Variants in KIF1A observed in about 807,000 individuals in gnomAD.
KIF1A encodes the protein kinesin family member 1A, also known as kinesin-like protein KIF1A.
A neutral mutation model predicts 227.3 loss-of-function variants in KIF1A; 46 were observed. That is an observed-to-expected ratio of 0.20 (90% CI 0.16 to 0.26). KIF1A has a LOEUF of 0.26. KIF1A is among the 10% of genes least tolerant of loss of function. The pLI, the probability that KIF1A is intolerant of heterozygous loss-of-function variation, is 1.00. For synonymous variants in KIF1A, 1,022 were observed against 1,012.8 expected, an observed-to-expected ratio of 1.01 and a Z score of -0.17; for missense variants, 1,683 against 2,485.9, an observed-to-expected ratio of 0.68 and a Z score of 6.87.
intron 1 of KIF1A, among the ~76,000 whole-genome samples, chr2:240,804,961 A>C (rs1402044296): frequency 6.6e-6 from 1 of 150,542 alleles, no homozygotes; most frequent in Non-Finnish European, 1.5e-5. Context: ...CACTGGGAGA[A>C]GCAATTCACC....
At chr2:240,767,952 C>T (rs1247314805) in intron 17 of KIF1A, among the ~76,000 whole-genome samples, 1 of 152,194 alleles carries the variant, frequency 6.6e-6, no homozygotes, top group Non-Finnish European at 1.5e-5. Context: ...GAGGTGGAGA[C>T]CTCGTCACTG....
chr2:240,802,560 C>T (rs7599943), intron 1 of KIF1A, among the ~76,000 whole-genome samples: 71,797 of 152,010 alleles, frequency 0.47, 18,986 homozygotes, highest in African/African-American at 0.73. Context: ...CACAGAGAGG[C>T]TGAAAACAAA....
chr2:240,738,654 C>T (rs1034255516), intron 37 of KIF1A, among the ~76,000 whole-genome samples: 1 of 152,208 alleles, frequency 6.6e-6, no homozygotes, highest in African/African-American at 2.4e-5. Flanking sequence ...GGGGTTCATA[C>T]CATATCTCCC....
At chr2:240,782,282 G>A (rs1451585878) in intron 10 of KIF1A, 3 of 869,274 alleles carry the variant, frequency 3.5e-6, no homozygotes, top group Non-Finnish European at 4.1e-6. Context: ...GGGCTCCTCC[G>A]CGCCCCTTTC....
At position 240,739,908 on chromosome 2, in the gene KIF1A, A is replaced by C; in HGVS notation, c.3901+150T>G. ...CAAGGCTCTCCTTTTCAGGTGAGGA[A>C]GTGAGTCACAGAGAGATTATGTGAC... On this transcript the variant is annotated intron_variant, in intron 37 of 48. Coordinates refer to ENST00000498729, the MANE Select transcript of KIF1A (RefSeq NM_001244008.2). The surrounding 1 kb of genome is among the most constrained non-coding windows in gnomAD (Gnocchi z 5.6). The C allele has an allele frequency of 3.2e-6, 2 of 623,192 alleles. No individual in the cohort carries two copies. The highest frequency in any genetic ancestry group is 5.8e-6 in the Non-Finnish European group (2 of 346,758). The allele number at this position is 623,192 out of a possible 1,614,324, so 38.6% of individuals were successfully genotyped here.
At chr2:240,797,547 G>A (rs968259806) in intron 2 of KIF1A, 100 bp downstream of exon 2, 22 of 803,378 alleles carry the variant, frequency 2.7e-5, no homozygotes, top group South Asian at 7.6e-5. Context: ...GTGCTCTTGC[G>A]GCCAGGGCCA....
intron 20 of KIF1A, among the ~76,000 whole-genome samples, chr2:240,764,952 G>A (rs1023976701): frequency 6.6e-6 from 1 of 152,130 alleles, no homozygotes; most frequent in Non-Finnish European, 1.5e-5. Flanking sequence ...TTCCCAGACT[G>A]CCACCTGCCC....
chr2:240,782,059 G>T, intron 10 of KIF1A: 1 of 985,380 alleles, frequency 1.0e-6, no homozygotes, highest in East Asian at 1.1e-4. Flanking sequence ...GTTCCTGCCG[G>T]TCCCTCGAAC....
At chr2:240,761,168 G>A (rs969952789) in intron 24 of KIF1A, 61 bp downstream of exon 24, 37 of 1,537,438 alleles carry the variant, frequency 2.4e-5, no homozygotes, top group African/African-American at 8.2e-5. Context: ...AGCTGTCCCC[G>A]TCATGAGTGA....
At chr2:240,781,758 T>C in intron 10 of KIF1A, 4 of 985,104 alleles carry the variant, frequency 4.1e-6, no homozygotes, top group Non-Finnish European at 4.8e-6. Flanking sequence ...CCCCACACAG[T>C]TCCCCACAGG....
At chr2:240,787,393 G>T in intron 4 of KIF1A, 77 bp from the exon 5 acceptor site, 2 of 1,306,096 alleles carry the variant, frequency 1.5e-6, no homozygotes, top group Non-Finnish European at 1.1e-6. Context: ...GATACTGTGG[G>T]CAGCCTGTGC....
chr2:240,723,662 G>A, intron 41 of KIF1A, 104 bp from the exon 42 acceptor site: 1 of 1,317,064 alleles, frequency 7.6e-7, no homozygotes, highest in South Asian at 1.5e-5. Context: ...CCTCTGGAGT[G>A]GAGATGGGCT....
intron 7 of KIF1A, among the ~76,000 whole-genome samples, chr2:240,784,239 C>G (rs2054427455): frequency 6.6e-6 from 1 of 152,202 alleles, no homozygotes; most frequent in South Asian, 2.1e-4. Context: ...CATGGCTGCA[C>G]CTAGCGAGGT....
chr2:240,719,334 G>A (rs1162489792), intron 46 of KIF1A, 136 bp from the exon 47 acceptor site: 47 of 974,126 alleles, frequency 4.8e-5, no homozygotes, highest in Non-Finnish European at 6.5e-5. Flanking sequence ...TCGAGGCATC[G>A]AAGGGCACCT....
Position 240,736,397 on chromosome 2 carries a change from G to A in KIF1A, c.4007+666C>T, listed in dbSNP as rs576499500. On this transcript the variant is annotated intron_variant, in intron 38 of 48. Transcript: ENST00000498729. This position sits in a 1 kb window ranked among gnomAD's most constrained non-coding sequence, Gnocchi z 4.7. ...TGGGACGCAGTGGAGCCCGCGGGAC[G>A]TCCCCACCCACCAGGGCTGCCCCTG... Among the ~76,000 whole-genome samples, 19 of 152,188 alleles carry A rather than the reference G, an allele frequency of 1.2e-4. No homozygotes were observed. Among genetic ancestry groups the A allele is most frequent in the Admixed American group, 7.8e-4 (12 of 15,302 alleles).
At chr2:240,813,584 C>A (rs377249392) in intron 1 of KIF1A, among the ~76,000 whole-genome samples, 5 of 152,268 alleles carry the variant, frequency 3.3e-5, no homozygotes, top group East Asian at 1.9e-4. Context: ...GAATGCAGTA[C>A]CCCTCATTCT....
intron 1 of KIF1A, among the ~76,000 whole-genome samples, chr2:240,810,170 T>C (rs909216887): frequency 8.5e-5 from 13 of 152,102 alleles, no homozygotes; most frequent in African/African-American, 2.4e-4. Flanking sequence ...TATCAAAAGA[T>C]ATCACTAAAA....
chr2:240,741,262 C>T lies in KIF1A; in HGVS notation c.3749+7G>A, dbSNP rs778236311. Reference sequence around the variant, plus strand: ...CACGCCCTGGGGGCCCCAGCACCAGCACTCACTCGCCGTTGGCCTCCAGCT... The same window carrying T: ...CACGCCCTGGGGGCCCCAGCACCAGTACTCACTCGCCGTTGGCCTCCAGCT... On this transcript the variant is annotated splice_region_variant and intron_variant, in intron 35 of 48. Coordinates refer to ENST00000498729, the MANE Select transcript of KIF1A (RefSeq NM_001244008.2). The T allele has an allele frequency of 1.3e-6, 2 of 1,573,550 alleles. No individual in the cohort carries two copies. The highest frequency in any genetic ancestry group is 3.4e-4 in the Middle Eastern group (2 of 5,944).
intron 7 of KIF1A, among the ~76,000 whole-genome samples, chr2:240,784,020 C>T (rs1006121780): frequency 6.6e-6 from 1 of 152,140 alleles, no homozygotes. Flanking sequence ...AGGCCCTGCC[C>T]GAGTTGAGTG....
Sources: allele counts gnomAD v4.1 joint callset (sites outside exome capture counted in the v4.1 genomes callset), GRCh38; gene constraint gnomAD v4.1.1; non-coding constraint Gnocchi (gnomAD v3.1); transcripts MANE v1.5; gene names NCBI Gene and HGNC (gene_info 2026-07-23, HGNC 2026-07-21).